STIP1: variants seen among roughly 807,000 people sequenced by gnomAD.
STIP1 encodes stress induced phosphoprotein 1.
In STIP1, 16 loss-of-function variants were observed where a neutral mutation model predicts 77.4. The ratio of observed to expected loss-of-function variants is 0.21; its 90% CI spans 0.14 to 0.31. STIP1 has a LOEUF of 0.31. Ranked by LOEUF, STIP1 falls within the 10% of genes least tolerant of loss-of-function variation. STIP1 has a pLI of 1.00. For missense variants in STIP1, 524 were observed against 684.8 expected (o/e 0.77, Z 2.62); for synonymous variants, 258 against 246.6 (o/e 1.05, Z -0.44).
In STIP1 at chr11:64,193,781, G is replaced by C. The variant is rs73500137; in HGVS notation, c.220-408G>C. On this transcript the variant is annotated intron_variant, in intron 2 of 13. Transcript: ENST00000305218. ...AGCCCAGGTGACACGGCAAGACCCTGTCTCAAAAAAAAAGGAAGAGGCCCG... is the reference window on the plus strand; with the variant it reads ...AGCCCAGGTGACACGGCAAGACCCTCTCTCAAAAAAAAAGGAAGAGGCCCG... Among the ~76,000 whole-genome samples, 473 of 151,668 alleles carry C rather than the reference G, an allele frequency of 3.1e-3. 4 individuals are homozygous for C. Among genetic ancestry groups the C allele is most frequent in the African/African-American group, 0.011 (438 of 41,300 alleles).
intron 12 of STIP1, 88 bp downstream of exon 12, chr11:64,203,316 C>A: frequency 6.3e-7 from 1 of 1,579,448 alleles, no homozygotes; most frequent in South Asian, 1.1e-5. Flanking sequence ...TCTTCCCTGT[C>A]ACCTCCATTT....
chr11:64,201,940 A>C (rs1733619300), intron 10 of STIP1, among the ~76,000 whole-genome samples: 1 of 152,256 alleles, frequency 6.6e-6, no homozygotes, highest in Non-Finnish European at 1.5e-5. Flanking sequence ...TTCAAAGAGA[A>C]GAATACATAG....
intron 13 of STIP1, 125 bp from the exon 14 acceptor site, chr11:64,203,929 C>G: frequency 1.7e-6 from 2 of 1,181,642 alleles, no homozygotes. Context: ...CTCGGCGCCC[C>G]GGGCCTCGCC....
In STIP1 at chr11:64,204,154, C is replaced by CAA; in HGVS notation, c.*28_*29insAA. On this transcript the variant is annotated 3_prime_UTR_variant, in exon 14 of 14. Transcript: ENST00000305218. ...ACTTGTTCATCCCCCCTTCCCTTCGCCCTCATGTGGAAAGAGGAGCTGGGA... is the reference window on the plus strand; with the variant it reads ...ACTTGTTCATCCCCCCTTCCCTTCGCAACCTCATGTGGAAAGAGGAGCTGGGA... 1 of 1,613,382 alleles carries CAA rather than the reference C, an allele frequency of 6.2e-7. No individual in the cohort carries two copies.
upstream of STIP1, chr11:64,185,456 G>A (rs1393262474): frequency 7.1e-6 from 2 of 281,566 alleles, no homozygotes; most frequent in East Asian, 1.8e-4. Context: ...TAACAGCCAG[G>A]AGGCAGGAGG....
At chr11:64,200,973 C>T (rs928854664) in intron 10 of STIP1, among the ~76,000 whole-genome samples, 1 of 151,070 alleles carries the variant, frequency 6.6e-6, no homozygotes, top group Non-Finnish European at 1.5e-5. Context: ...GTGATCCACC[C>T]GCCTCAGCCT....
At chr11:64,200,336 A>T (rs375575793) in intron 10 of STIP1, 43 bp downstream of exon 10, 2 of 1,570,426 alleles carry the variant, frequency 1.3e-6, no homozygotes, top group East Asian at 2.2e-5. Flanking sequence ...AAGCCTGCAC[A>T]TGAGGAGTGG....
At chr11:64,203,256 C>T (rs754981224) in intron 12 of STIP1, 28 bp downstream of exon 12, 4 of 1,610,862 alleles carry the variant, frequency 2.5e-6, no homozygotes, top group Admixed American at 1.7e-5. Flanking sequence ...CTCCAGGGGC[C>T]CCCCCTGCCT....
chr11:64,203,296 GTCCCTGATTTCT>G, intron 12 of STIP1, 68 bp downstream of exon 12: 1 of 1,593,934 alleles, frequency 6.3e-7, no homozygotes, highest in South Asian at 1.1e-5. Context: ...TCCATGTTCA[GTCCCTGATTTCT>G]TCCCTGTCAC....
chr11:64,191,422 A>G (rs1015566567), intron 1 of STIP1, among the ~76,000 whole-genome samples: 3 of 151,452 alleles, frequency 2.0e-5, no homozygotes, highest in Non-Finnish European at 4.4e-5. Flanking sequence ...CCTGGCCAAC[A>G]TGGTGAAACT....
At position 64,198,019 on chromosome 11, in the gene STIP1, T is replaced by A. The variant is rs376884858; in HGVS notation, c.1023+45T>A. On this transcript the variant is annotated intron_variant, in intron 8 of 13. Transcript: ENST00000305218. ...GGGTATTTTCTTGTTTTCCTAATAATTGAGCCATTGTTTCTTACTGTTTTA... is the reference window on the plus strand; with the variant it reads ...GGGTATTTTCTTGTTTTCCTAATAAATGAGCCATTGTTTCTTACTGTTTTA... 1.1e-5 allele frequency: 18 copies of A among 1,575,472 alleles called. No individual in the cohort carries two copies. The African/African-American group carries it at 1.2e-4, about 11-fold the overall frequency.
intron 2 of STIP1, 38 bp downstream of exon 2, chr11:64,193,325 A>G: frequency 6.2e-7 from 1 of 1,604,550 alleles, no homozygotes; most frequent in Admixed American, 1.7e-5. Flanking sequence ...GGCCCTTCAG[A>G]CCCTTCCAGA....
At chr11:64,193,553 G>C (rs1417374270) in intron 2 of STIP1, 4 of 446,784 alleles carry the variant, frequency 9.0e-6, no homozygotes, top group Non-Finnish European at 1.2e-5. Context: ...GGAGGCTGAG[G>C]TGGGCGGATC....
chr11:64,200,770 A>G (rs1946211044), intron 10 of STIP1, among the ~76,000 whole-genome samples: 2 of 152,016 alleles, frequency 1.3e-5, no homozygotes, highest in African/African-American at 4.8e-5. Flanking sequence ...ATTTTTAAGA[A>G]GTGGAATTGC....
chr11:64,202,934 G>T (rs1223417298), intron 11 of STIP1, 22 bp downstream of exon 11: 1 of 1,614,170 alleles, frequency 6.2e-7, no homozygotes, highest in Admixed American at 1.7e-5. Flanking sequence ...TCTGCTGCCT[G>T]TCCCCTGTCT....
intron 4 of STIP1, 126 bp from the exon 5 acceptor site, chr11:64,195,519 C>A: frequency 2.2e-6 from 2 of 914,954 alleles, no homozygotes; most frequent in Non-Finnish European, 3.2e-6. Flanking sequence ...CAAAATCTAG[C>A]CATCTTTTGA....
At chr11:64,193,854 A>G (rs1019010795) in intron 2 of STIP1, among the ~76,000 whole-genome samples, 1 of 152,156 alleles carries the variant, frequency 6.6e-6, no homozygotes, top group Non-Finnish European at 1.5e-5. Flanking sequence ...AGGTTGAGGC[A>G]GGAGGATTAC....
intron 2 of STIP1, among the ~76,000 whole-genome samples, chr11:64,193,802 G>GC (rs1344791820): frequency 6.6e-6 from 1 of 152,130 alleles, no homozygotes; most frequent in Non-Finnish European, 1.5e-5. Context: ...AAAGGAAGAG[G>GC]CCCGGTACAG....
intron 1 of STIP1, among the ~76,000 whole-genome samples, chr11:64,187,864 G>C (rs1386200527): frequency 6.6e-6 from 1 of 151,862 alleles, no homozygotes; most frequent in African/African-American, 2.4e-5. Flanking sequence ...AATTAGCCGG[G>C]CGTGGTGGCG....
Sources: allele counts gnomAD v4.1 joint callset (sites outside exome capture counted in the v4.1 genomes callset), GRCh38; gene constraint gnomAD v4.1.1; transcripts MANE v1.5; gene names NCBI Gene and HGNC (gene_info 2026-07-23, HGNC 2026-07-21).